Variants in COL15A1 observed in about 807,000 individuals in gnomAD.
The protein encoded by COL15A1 is collagen alpha-1(XV) chain.
A neutral mutation model predicts 165.9 loss-of-function variants in COL15A1; 111 were observed. That is an observed-to-expected ratio of 0.67 (90% CI 0.57 to 0.78). The LOEUF (loss-of-function observed/expected upper bound fraction) is 0.78. COL15A1 is among the 30% of genes least tolerant of loss of function. COL15A1 has a pLI of 0.00. For missense variants in COL15A1, 1,745 were observed against 1,789.7 expected, an observed-to-expected ratio of 0.98 and a Z score of 0.45; for synonymous variants, 659 against 674.8, an observed-to-expected ratio of 0.98 and a Z score of 0.36.
At chr9:98,967,592 C>T (rs1029031750) in intron 2 of COL15A1, among the ~76,000 whole-genome samples, 12 of 152,210 alleles carry the variant, frequency 7.9e-5, no homozygotes, top group Non-Finnish European at 1.6e-4. Context: ...AACAGCCTGG[C>T]TGGGAGGTGG....
intron 26 of COL15A1, among the ~76,000 whole-genome samples, chr9:99,046,463 C>A (rs750600782): frequency 2.6e-5 from 4 of 152,108 alleles, no homozygotes; most frequent in Non-Finnish European, 5.9e-5. Flanking sequence ...TCCATTCTCA[C>A]GCTGCTATGA....
intron 9 of COL15A1, among the ~76,000 whole-genome samples, chr9:99,009,962 C>T (rs767438620): frequency 5.9e-5 from 9 of 152,206 alleles, no homozygotes; most frequent in Non-Finnish European, 1.2e-4. Context: ...ATGCCTTTGA[C>T]ATTAATGGTT....
chr9:99,041,452 C>G (rs1262708454), intron 23 of COL15A1: 1 of 149,990 alleles, frequency 6.7e-6, no homozygotes, highest in South Asian at 2.1e-4. Flanking sequence ...AAGAGGTTGC[C>G]TCTGGCTGCA....
At position 98,981,219 on chromosome 9, in the gene COL15A1, A is replaced by G. The variant is rs1838231448; in HGVS notation, c.101-4346A>G. The stretch of plus-strand genomic sequence containing the variant: ...ACGCCTGTAATCCCAGCACTTTGGG[A>G]GGTCAAGGTGGGCGGATCACCTGAG... On this transcript the variant is annotated intron_variant, in intron 2 of 41. Transcript: ENST00000375001. Among the ~76,000 whole-genome samples the G allele has an allele frequency of 2.0e-5, 3 of 152,158 alleles. No homozygotes were observed. The South Asian group carries it at 6.2e-4, about 32-fold the overall frequency.
chr9:99,000,700 T>G (rs1838635337), intron 6 of COL15A1, 139 bp from the exon 7 acceptor site: 1 of 636,526 alleles, frequency 1.6e-6, no homozygotes, highest in Admixed American at 3.2e-5. Flanking sequence ...TATGTTGTTC[T>G]GCAACTTGTT....
In COL15A1 at chr9:98,985,614, G is replaced by C; in HGVS notation, c.150G>C (p.Pro50=). ...HLDLTQLIGV[P]LPSSVSFVTG... The stretch of plus-strand genomic sequence containing the variant: ...ACCTCACGCAGCTCATCGGTGTCCC[G>C]CTGCCCTCGTCCGTATCCTTTGTCA... The change falls in exon 3 of 42, where the codon CCG becomes CCC. Residue 50 remains proline, a synonymous_variant. Coordinates refer to ENST00000375001, the MANE Select transcript of COL15A1 (RefSeq NM_001855.5). 6.2e-7 allele frequency: 1 copy of C among 1,614,184 alleles called. No individual in the cohort carries two copies. The highest frequency in any genetic ancestry group is 8.5e-7 in the Non-Finnish European group (1 of 1,180,030).
intron 9 of COL15A1, among the ~76,000 whole-genome samples, chr9:99,009,840 A>G (rs1323248698): frequency 6.6e-6 from 1 of 152,262 alleles, no homozygotes; most frequent in East Asian, 1.9e-4. Context: ...ATAAGATATA[A>G]TTTCCATAAG....
chr9:99,014,245 C>A (rs1007859605), intron 9 of COL15A1, among the ~76,000 whole-genome samples: 1 of 152,184 alleles, frequency 6.6e-6, no homozygotes, highest in African/African-American at 2.4e-5. Flanking sequence ...AGAGATAGGT[C>A]TTAGGCAGAA....
intron 39 of COL15A1, among the ~76,000 whole-genome samples, chr9:99,063,416 G>A (rs1326115371): frequency 6.6e-6 from 1 of 152,162 alleles, no homozygotes; most frequent in Non-Finnish European, 1.5e-5. Flanking sequence ...ATGGAATAGA[G>A]GGAGGTAAGG....
rs1036097500 is a variant in COL15A1 at position 99,021,961 on chromosome 9, T to G, written c.1702-130T>G. 5.5e-6 allele frequency: 7 copies of G among 1,274,358 alleles called. No homozygotes were observed. In the African/African-American group the frequency reaches 1.0e-4, roughly 19 times the overall value. 78.9% of individuals were successfully genotyped at this position (1,274,358 alleles called of 1,614,324 possible). On this transcript the variant is annotated intron_variant, in intron 12 of 41. Transcript: ENST00000375001. The stretch of plus-strand genomic sequence containing the variant: ...ACAAGGCATTCCCTTAAGCTGTCTC[T>G]GCAAAGGACAATGCCATTTTTCTTT...
At chr9:99,054,995 G>A in intron 32 of COL15A1, 107 bp from the exon 33 acceptor site, 2 of 960,362 alleles carry the variant, frequency 2.1e-6, no homozygotes, top group Non-Finnish European at 3.4e-6. Context: ...CCAACCCAGT[G>A]CAGGCTCACA....
chr9:99,015,544 C>A lies in COL15A1; in HGVS notation c.1481C>A (p.Ala494Asp). Residue 494 changes from alanine to aspartate, a missense_variant, in exon 10 of 42, where the codon GCC (alanine) becomes GAC (aspartate). Physicochemically the swap from Ala to Asp is moderately radical, Grantham distance 126. Coordinates refer to ENST00000375001, the MANE Select transcript of COL15A1 (RefSeq NM_001855.5). ...DGLAPLTATM[A>D]PERAVTSGPG... Reference sequence around the variant, plus strand: ...CTGGCTCCCCTCACAGCCACCATGGCCCCTGAGCGGGCAGTCACTTCTGTA... The same window carrying A: ...CTGGCTCCCCTCACAGCCACCATGGACCCTGAGCGGGCAGTCACTTCTGTA... 6.2e-7 allele frequency: 1 copy of A among 1,613,818 alleles called. No homozygotes were observed. Among genetic ancestry groups the A allele is most frequent in the Non-Finnish European group, 8.5e-7 (1 of 1,179,888 alleles).
At chr9:99,023,199 G>A (rs1839056698) in intron 13 of COL15A1, among the ~76,000 whole-genome samples, 158 bp from the exon 14 acceptor site, 1 of 152,214 alleles carries the variant, frequency 6.6e-6, no homozygotes, top group South Asian at 2.1e-4. Context: ...TAGCTGTAGA[G>A]GGGAGTGGGA....
At chr9:98,973,827 T>C (rs1238340825) in intron 2 of COL15A1, among the ~76,000 whole-genome samples, 4 of 151,920 alleles carry the variant, frequency 2.6e-5, no homozygotes, top group African/African-American at 9.7e-5. Flanking sequence ...TTAGGGGCGG[T>C]TAGAAAAACT....
chr9:98,964,274 C>T (rs1260039765), intron 2 of COL15A1, among the ~76,000 whole-genome samples: 5 of 146,676 alleles, frequency 3.4e-5, no homozygotes, highest in African/African-American at 1.2e-4. Flanking sequence ...GGTCTGATTC[C>T]CTCTCCCATT....
intron 16 of COL15A1, among the ~76,000 whole-genome samples, chr9:99,031,351 G>A (rs1839210622): frequency 2.0e-5 from 3 of 152,106 alleles, no homozygotes; most frequent in African/African-American, 7.2e-5. Context: ...CCCCACGCAT[G>A]CCCCCAGGTG....
chr9:99,037,079 A>G (rs1463428304), intron 21 of COL15A1, among the ~76,000 whole-genome samples: 1 of 152,222 alleles, frequency 6.6e-6, no homozygotes, highest in African/African-American at 2.4e-5. Context: ...AACTAAAACT[A>G]AAAATACCCA....
In COL15A1 at chr9:99,050,650, C is replaced by T. The variant is rs530763797; in HGVS notation, c.2904+755C>T. The stretch of plus-strand genomic sequence containing the variant: ...ATGCATAATCATTCTCTCATTCATT[C>T]GACAAATATTTATTGAGCACTTATG... On this transcript the variant is annotated intron_variant, in intron 30 of 41. Transcript: ENST00000375001. Among the ~76,000 whole-genome samples the T allele has an allele frequency of 7.2e-5, 11 of 152,306 alleles. No individual in the cohort carries two copies. The East Asian group carries it at 2.1e-3, about 29-fold the overall frequency.
intron 26 of COL15A1, among the ~76,000 whole-genome samples, chr9:99,045,525 G>T (rs918310927): frequency 6.6e-6 from 1 of 152,180 alleles, no homozygotes; most frequent in African/African-American, 2.4e-5. Flanking sequence ...TTCTCTCAAG[G>T]GCGAACCCTA....
Sources: allele counts gnomAD v4.1 joint callset (sites outside exome capture counted in the v4.1 genomes callset), GRCh38; gene constraint gnomAD v4.1.1; transcripts MANE v1.5; gene names NCBI Gene and HGNC (gene_info 2026-07-23, HGNC 2026-07-21).